SFSWAP: variants seen among roughly 807,000 people sequenced by gnomAD.
The protein encoded by SFSWAP is splicing factor, suppressor of white-apricot homolog.
Under a neutral mutation model 100.7 loss-of-function variants are expected in SFSWAP, and 17 were observed. That is an observed-to-expected ratio of 0.17 (90% CI 0.12 to 0.25). SFSWAP has a LOEUF of 0.25. SFSWAP is among the 10% of genes least tolerant of loss of function. The probability of loss-of-function intolerance (pLI) is 1.00; values close to 1 mark genes in which losing one functional copy is unlikely to be tolerated. For missense variants in SFSWAP, 1,005 were observed against 1,262.6 expected (o/e 0.80, Z 3.09); for synonymous variants, 504 against 510.1 (o/e 0.99, Z 0.16).
At chr12:131,723,307 C>T (rs1010004353) in intron 4 of SFSWAP, 1 of 152,136 alleles carries the variant, frequency 6.6e-6, no homozygotes, top group Non-Finnish European at 1.5e-5. Flanking sequence ...ATGTGTCTTG[C>T]AGGTATTTTC....
At position 131,730,287 on chromosome 12, in the gene SFSWAP, C is replaced by T. The variant is rs1332034037; in HGVS notation, c.1081+1859C>T. Among the ~76,000 whole-genome samples, 3 of 152,262 alleles carry T rather than the reference C, an allele frequency of 2.0e-5. No homozygotes were observed. The highest frequency in any genetic ancestry group is 4.8e-5 in the African/African-American group (2 of 41,474). ...GCCTGCCCACTGAGGGACCATCCCT[C>T]TGCTTCCTCCTTTCCTTTTCCAAGC... On this transcript the variant is annotated intron_variant, in intron 7 of 17. Transcript: ENST00000261674. The surrounding 1 kb of genome is among the most constrained non-coding windows in gnomAD (Gnocchi z 4.0).
chr12:131,766,499 C>T (rs769517099), intron 13 of SFSWAP, among the ~76,000 whole-genome samples, 191 bp downstream of exon 13: 8 of 152,208 alleles, frequency 5.3e-5, no homozygotes, highest in South Asian at 2.1e-4. Flanking sequence ...CAGTCTCCCC[C>T]GTCAGTGCAC....
intron 1 of SFSWAP, chr12:131,712,259 C>T (rs1428828479): frequency 6.6e-6 from 1 of 152,192 alleles, no homozygotes; most frequent in Non-Finnish European, 1.5e-5. Flanking sequence ...CGATTATGGG[C>T]AGTGGGGGCC....
intron 15 of SFSWAP, among the ~76,000 whole-genome samples, chr12:131,791,819 A>G (rs1024817607): frequency 6.6e-6 from 1 of 152,280 alleles, no homozygotes; most frequent in Admixed American, 6.5e-5. Context: ...TCATCTCTTG[A>G]GTCCATCATA....
intron 13 of SFSWAP, among the ~76,000 whole-genome samples, chr12:131,776,139 C>T (rs897658): frequency 1.3e-5 from 2 of 151,974 alleles, no homozygotes; most frequent in African/African-American, 4.8e-5. Flanking sequence ...AAAGTTTGAC[C>T]TGAAAAATAT....
At chr12:131,737,518 G>C (rs1008918932) in intron 7 of SFSWAP, among the ~76,000 whole-genome samples, 1 of 152,140 alleles carries the variant, frequency 6.6e-6, no homozygotes, top group East Asian at 1.9e-4. Context: ...TTAATAATAC[G>C]TGCTTTTATC....
intron 15 of SFSWAP, among the ~76,000 whole-genome samples, chr12:131,791,719 G>A (rs372358438): frequency 4.6e-5 from 7 of 152,204 alleles, no homozygotes; most frequent in South Asian, 2.1e-4. Context: ...GTTCCAGCCC[G>A]CGACAGTGCA....
chr12:131,754,308 C>A, intron 8 of SFSWAP, 60 bp from the exon 9 acceptor site: 1 of 1,416,252 alleles, frequency 7.1e-7, no homozygotes, highest in Non-Finnish European at 9.3e-7. Flanking sequence ...CCCCGAGCAG[C>A]CAGGACTGAG....
intron 7 of SFSWAP, among the ~76,000 whole-genome samples, chr12:131,737,382 C>T (rs1880134674): frequency 6.6e-6 from 1 of 152,218 alleles, no homozygotes; most frequent in South Asian, 2.1e-4. Flanking sequence ...GCTGACTCAC[C>T]TGCCCGTTTG....
rs776178629 is a variant in SFSWAP at position 131,721,027 on chromosome 12, G to A, written c.606+1488G>A. On this transcript the variant is annotated intron_variant, in intron 4 of 17. Coordinates refer to ENST00000261674, the MANE Select transcript of SFSWAP (RefSeq NM_004592.4). ...GCCTCAGGAAACTTATAGTCATGGC[G>A]GAAGGTGAGGAGGGAGCAGGCATGT... Among the ~76,000 whole-genome samples the A allele has an allele frequency of 3.9e-5, 6 of 152,184 alleles. No individual in the cohort carries two copies. The East Asian group carries it at 5.8e-4, about 15-fold the overall frequency.
chr12:131,772,542 C>T (rs567861448), intron 13 of SFSWAP, among the ~76,000 whole-genome samples: 3 of 152,334 alleles, frequency 2.0e-5, no homozygotes, highest in African/African-American at 4.8e-5. Flanking sequence ...CAATCCCTTA[C>T]GGGAGGGACC....
intron 12 of SFSWAP, 121 bp downstream of exon 12, chr12:131,764,807 A>T (rs1429161684): frequency 4.3e-6 from 3 of 693,302 alleles, no homozygotes; most frequent in African/African-American, 1.8e-5. Flanking sequence ...AAATCGACCT[A>T]TTTGGGAGTT....
At position 131,771,257 on chromosome 12, in the gene SFSWAP, G is replaced by C. The variant is rs530760564; in HGVS notation, c.2142+4949G>C. ...AGTGTTTGGTGTGTTACAGGCACTCGGTAGGTATTTAGTGACCGAATGACT... is the reference window on the plus strand; with the variant it reads ...AGTGTTTGGTGTGTTACAGGCACTCCGTAGGTATTTAGTGACCGAATGACT... On this transcript the variant is annotated intron_variant, in intron 13 of 17. Coordinates refer to ENST00000261674, the MANE Select transcript of SFSWAP (RefSeq NM_004592.4). Among the ~76,000 whole-genome samples, 5 of 152,222 alleles carry C rather than the reference G, an allele frequency of 3.3e-5. No homozygotes were observed. In the East Asian group the frequency reaches 9.7e-4, roughly 29 times the overall value.
At chr12:131,763,776 T>C (rs1882867893) in intron 11 of SFSWAP, among the ~76,000 whole-genome samples, 1 of 152,172 alleles carries the variant, frequency 6.6e-6, no homozygotes, top group Non-Finnish European at 1.5e-5. Flanking sequence ...TCACATCATA[T>C]GCCTCCTGAA....
chr12:131,761,183 A>T (rs1373037237), intron 11 of SFSWAP, among the ~76,000 whole-genome samples: 1 of 152,166 alleles, frequency 6.6e-6, no homozygotes. Flanking sequence ...TTTTTTTTCC[A>T]TATTGGAATT....
At chr12:131,757,657 A>C (rs1457565402) in intron 11 of SFSWAP, 1 of 152,314 alleles carries the variant, frequency 6.6e-6, no homozygotes, top group Non-Finnish European at 1.5e-5. Flanking sequence ...TGGGGTGATA[A>C]GAGGACCGTC....
rs373608180 is a variant in SFSWAP, at chr12:131,746,487, C to T, written c.1082-6636C>T. Among the ~76,000 whole-genome samples the T allele has an allele frequency of 7.1e-4, 108 of 152,280 alleles. 1 individual carries two copies. The South Asian group carries it at 0.02, about 28-fold the overall frequency. ...TTGACAGCTGGGTTTCCCTGTCCCC[C>T]GTCCCCGCCTGGAACATCACTGTTC... On this transcript the variant is annotated intron_variant, in intron 7 of 17. Coordinates refer to ENST00000261674, the MANE Select transcript of SFSWAP (RefSeq NM_004592.4).
At chr12:131,735,611 G>T (rs1879933367) in intron 7 of SFSWAP, among the ~76,000 whole-genome samples, 1 of 152,196 alleles carries the variant, frequency 6.6e-6, no homozygotes, top group South Asian at 2.1e-4. Flanking sequence ...GCTGTGTGTG[G>T]ACCCAAACCA....
At position 131,711,279 on chromosome 12, in the gene SFSWAP, C is replaced by T; in HGVS notation, c.50C>T (p.Ala17Val). 6.2e-7 allele frequency: 1 copy of T among 1,612,242 alleles called. No individual in the cohort carries two copies. Among genetic ancestry groups the T allele is most frequent in the Non-Finnish European group, 8.5e-7 (1 of 1,179,532 alleles). ...GRAKPERKSG[A>V]KEEAGPGGAG... ...GCCAAACCCGAGAGGAAAAGCGGCG[C>T]GAAGGAGGAGGCCGGGCCAGGCGGT... Residue 17 changes from alanine to valine, a missense_variant, in exon 1 of 18, where the codon GCG (alanine) becomes GTG (valine). Around this residue, in one of 7 missense-constraint regions of SFSWAP, gnomAD observed 237 missense variants for 337.0 expected, o/e 0.70. Coordinates refer to ENST00000261674, the MANE Select transcript of SFSWAP (RefSeq NM_004592.4). The surrounding 1 kb of genome is among the most constrained non-coding windows in gnomAD (Gnocchi z 4.9).
Sources: gnomAD v4.1 joint callset for allele counts (sites outside exome capture counted in the v4.1 genomes callset) on GRCh38, gnomAD v4.1.1 for gene constraint, gnomAD v4.1.1 regional missense constraint, Gnocchi (gnomAD v3.1) non-coding constraint, MANE v1.5 for transcripts, NCBI Gene and HGNC (gene_info 2026-07-23, HGNC 2026-07-21) for gene names.